FAT2: variants seen among roughly 807,000 people sequenced by gnomAD.
FAT2 encodes the protein protocadherin Fat 2.
A neutral mutation model predicts 295.3 loss-of-function variants in FAT2; 150 were observed. The ratio of observed to expected loss-of-function variants is 0.51; its 90% confidence interval spans 0.44 to 0.58. FAT2 has a LOEUF of 0.58. Among genes scored for constraint, FAT2 ranks in the 20% least tolerant of loss-of-function variants. FAT2 has a pLI of 0.00. For synonymous variants in FAT2, 2,026 were observed against 2,150.3 expected, an observed-to-expected ratio of 0.94 and a Z score of 1.60; for missense variants, 4,868 against 5,442.7, an observed-to-expected ratio of 0.89 and a Z score of 3.32.
At position 151,512,399 on chromosome 5, in the gene FAT2, G is replaced by C; in HGVS notation, c.11671C>G (p.Leu3891Val). The change falls in exon 21 of 24, where the codon CTC becomes GTC. Residue 3891 changes from leucine (L) to valine (V), a missense_variant. This residue lies in a region of FAT2 where 1,046 missense variants were observed against 1,210.1 expected (regional missense o/e 0.86). Transcript: ENST00000261800. This position sits in a 1 kb window ranked among gnomAD's most constrained non-coding sequence, Gnocchi z 4.1. The part of the protein sequence containing the change: ...NCRGLRPERH[L>V]LLGGLILLHS... ...AACAGAATGAGGCCGCCCAGCAAGA[G>C]GTGCCTTTCGGGCCTCAGACCACGG... 6.2e-7 allele frequency: 1 copy of C among 1,614,254 alleles called. No homozygotes were observed. Among genetic ancestry groups the C allele is most frequent in the Non-Finnish European group, 8.5e-7 (1 of 1,180,044 alleles).
At chr5:151,538,078 G>GA (rs759544817) in intron 11 of FAT2, 132 bp from the exon 12 acceptor site, 27 of 656,154 alleles carry the variant, frequency 4.1e-5, no homozygotes, top group Admixed American at 1.2e-4. Context: ...AAGAGAGACA[G>GA]AAAAAAGAAC....
At chr5:151,594,120 G>C (rs987388400), upstream of FAT2, among the ~76,000 whole-genome samples, 4 of 152,182 alleles carry the variant, frequency 2.6e-5, no homozygotes, top group African/African-American at 9.7e-5. Flanking sequence ...CTGTGTTTCA[G>C]ATGAAGAAAC....
chr5:151,567,145 T>C lies in FAT2; in HGVS notation c.1787A>G (p.Asn596Ser), dbSNP rs148206242. ...MSAIDVDELQ[N>S]LKYEIVSGNE... ...GCCTGATACAATCTCGTATTTTAGG[T>C]TCTGAAGCTCATCCACATCTATGGC... The change falls in exon 2 of 24, where the codon AAC (asparagine) becomes AGC (serine). Residue 596 changes from asparagine to serine, a missense_variant. Asn to Ser is a conservative substitution (Grantham distance 46). Coordinates refer to ENST00000261800, the MANE Select transcript of FAT2 (RefSeq NM_001447.3). 2.6e-5 allele frequency: 42 copies of C among 1,614,064 alleles called. No individual in the cohort carries two copies. The Admixed American group carries it at 7.0e-4, about 27-fold the overall frequency.
chr5:151,588,869 C>T (rs1441747493), intron 1 of FAT2, among the ~76,000 whole-genome samples: 2 of 152,086 alleles, frequency 1.3e-5, no homozygotes, highest in African/African-American at 4.8e-5. Context: ...TCCATGCACC[C>T]CCTCATTTCT....
chr5:151,529,038 C>A (rs903162047), intron 15 of FAT2, 140 bp downstream of exon 15: 6 of 691,910 alleles, frequency 8.7e-6, no homozygotes, highest in Non-Finnish European at 1.5e-5. Context: ...CTCACATAAA[C>A]CTCTGACAAG....
At chr5:151,560,339 C>T (rs1757966160) in intron 3 of FAT2, among the ~76,000 whole-genome samples, 1 of 152,196 alleles carries the variant, frequency 6.6e-6, no homozygotes, top group African/African-American at 2.4e-5. Context: ...AAAACTCAAG[C>T]ATAGAGCAGG....
chr5:151,530,955 G>A (rs1754526964), intron 14 of FAT2, among the ~76,000 whole-genome samples: 1 of 152,174 alleles, frequency 6.6e-6, no homozygotes, highest in Non-Finnish European at 1.5e-5. Flanking sequence ...GCTGTTTGGG[G>A]AGGTAGAGAG....
chr5:151,506,413 A>G (rs1318039483), intron 23 of FAT2, among the ~76,000 whole-genome samples: 1 of 152,204 alleles, frequency 6.6e-6, no homozygotes, highest in Non-Finnish European at 1.5e-5. Flanking sequence ...ACTCCATCCC[A>G]AGTCCTACTG....
intron 13 of FAT2, 144 bp from the exon 14 acceptor site, chr5:151,532,114 T>A: frequency 3.8e-6 from 4 of 1,041,072 alleles, no homozygotes; most frequent in Admixed American, 2.6e-5. Flanking sequence ...AGAGTGAGGG[T>A]CTCTCCAGCG....
intron 11 of FAT2, among the ~76,000 whole-genome samples, chr5:151,538,397 A>C (rs1408891640): frequency 6.6e-6 from 1 of 152,156 alleles, no homozygotes; most frequent in Non-Finnish European, 1.5e-5. Context: ...AGGCCATGCT[A>C]TTAAGCTCAT....
Position 151,546,947 on chromosome 5 carries a change from T to C in FAT2, c.4790-610A>G, listed in dbSNP as rs147540783. The stretch of plus-strand genomic sequence containing the variant: ...CCATATCTCAAGGCTCCTGAGCAAA[T>C]ATCTTTGCCCCATGTGTGTATTTCC... On this transcript the variant is annotated intron_variant, in intron 9 of 23. Coordinates refer to ENST00000261800, the MANE Select transcript of FAT2 (RefSeq NM_001447.3). Among the ~76,000 whole-genome samples the C allele has an allele frequency of 7.9e-3, 1,205 of 152,304 alleles. 12 individuals carry two copies. The highest frequency in any genetic ancestry group is 0.026 in the African/African-American group (1,088 of 41,560).
chr5:151,542,058 A>T (rs1035022338), intron 10 of FAT2, among the ~76,000 whole-genome samples: 3 of 152,230 alleles, frequency 2.0e-5, no homozygotes, highest in Non-Finnish European at 4.4e-5. Context: ...TCTAATGTAT[A>T]GGTGCTTTCT....
chr5:151,546,423 AC>A (rs1029980596), intron 9 of FAT2, 86 bp from the exon 10 acceptor site: 32 of 1,021,042 alleles, frequency 3.1e-5, no homozygotes, highest in Non-Finnish European at 5.7e-6. Context: ...GGTCTATCAC[AC>A]AAAACCTGGA....
chr5:151,528,829 C>T (rs1218897610), intron 15 of FAT2, among the ~76,000 whole-genome samples: 3 of 152,176 alleles, frequency 2.0e-5, no homozygotes, highest in Non-Finnish European at 2.9e-5. Flanking sequence ...TGTCATTCCA[C>T]GTCACCCGCT....
chr5:151,565,234 A>G (rs1758193361), intron 2 of FAT2, among the ~76,000 whole-genome samples: 1 of 152,164 alleles, frequency 6.6e-6, no homozygotes, highest in Non-Finnish European at 1.5e-5. Context: ...AAAAAAGTAA[A>G]TTTTAGAATA....
chr5:151,574,728 A>T (rs1432866), intron 1 of FAT2, among the ~76,000 whole-genome samples: 66,162 of 152,130 alleles, frequency 0.43, 14,761 homozygotes, highest in Middle Eastern at 0.5. Flanking sequence ...GACAACTGGA[A>T]TTCACTGAGG....
intron 2 of FAT2, among the ~76,000 whole-genome samples, chr5:151,565,266 CATA>C (rs546801555): frequency 2.0e-5 from 3 of 151,498 alleles, no homozygotes; most frequent in Admixed American, 6.6e-5. Flanking sequence ...ACTGTATTTT[CATA>C]ATAATAAAAT....
At chr5:151,555,871 C>G (rs1253699294) in intron 4 of FAT2, among the ~76,000 whole-genome samples, 2 of 152,156 alleles carry the variant, frequency 1.3e-5, no homozygotes, top group Non-Finnish European at 2.9e-5. Context: ...TTCATTCCCT[C>G]TAGGTCACTA....
rs1239305838 is a variant in FAT2, at chr5:151,526,349, A to G, written c.10309-384T>C. 6.6e-5 allele frequency among the ~76,000 whole-genome samples: 10 copies of G among 152,352 alleles called. No individual in the cohort carries two copies. The East Asian group carries it at 1.3e-3, about 21-fold the overall frequency. ...GGGAATGTTGCGATTTGCAAAGCCA[A>G]TTGAACACTTATAAATGATTTCTTC... On this transcript the variant is annotated intron_variant, in intron 17 of 23. Coordinates refer to ENST00000261800, the MANE Select transcript of FAT2 (RefSeq NM_001447.3).
Sources: allele counts gnomAD v4.1 joint callset (sites outside exome capture counted in the v4.1 genomes callset), GRCh38; gene constraint gnomAD v4.1.1; regional missense constraint gnomAD v4.1.1; non-coding constraint Gnocchi (gnomAD v3.1); transcripts MANE v1.5; gene names NCBI Gene and HGNC (gene_info 2026-07-23, HGNC 2026-07-21).